Variants in RRP1B observed in about 807,000 individuals in gnomAD.
RRP1B encodes the protein ribosomal RNA processing protein 1 homolog B.
RRP1B carries 56 observed loss-of-function variants against 80.2 expected under a neutral mutation model. That is an observed-to-expected ratio of 0.70 (90% CI 0.56 to 0.87). The LOEUF is 0.87. Ranked by LOEUF, RRP1B falls within the 40% of genes least tolerant of loss-of-function variation. The pLI is 0.00. For synonymous variants in RRP1B, 351 were observed against 357.6 expected (o/e 0.98, Z 0.21); for missense variants, 807 against 939.8 (o/e 0.86, Z 1.85).
intron 9 of RRP1B, among the ~76,000 whole-genome samples, chr21:43,683,908 G>A (rs933676553): frequency 6.7e-6 from 1 of 150,158 alleles, no homozygotes; most frequent in South Asian, 2.1e-4. Context: ...GAACCCGGGA[G>A]GTGGAGGTTG....
intron 1 of RRP1B, among the ~76,000 whole-genome samples, chr21:43,660,022 G>C (rs1175240491): frequency 6.6e-6 from 1 of 152,202 alleles, no homozygotes; most frequent in Non-Finnish European, 1.5e-5. Flanking sequence ...CACAGTAAGC[G>C]GGGAAGCTGA....
intron 13 of RRP1B, 59 bp downstream of exon 13, chr21:43,688,299 G>A (rs372653880): frequency 8.9e-6 from 13 of 1,468,368 alleles, no homozygotes; most frequent in African/African-American, 1.4e-5. Context: ...GCGTCCATGG[G>A]GCTCCACTGC....
chr21:43,664,001 T>G (rs538154306), intron 1 of RRP1B, among the ~76,000 whole-genome samples: 44 of 152,394 alleles, frequency 2.9e-4, no homozygotes, highest in African/African-American at 1.0e-3. Flanking sequence ...TAATGTACTT[T>G]GCCTTTCAGA....
At chr21:43,668,099 C>T (rs575502261) in intron 1 of RRP1B, among the ~76,000 whole-genome samples, 120 of 151,908 alleles carry the variant, frequency 7.9e-4, no homozygotes, top group Middle Eastern at 3.4e-3. Flanking sequence ...ATCCCAGCTA[C>T]TCTTGAGGCT....
rs997180951 is a variant in RRP1B, at chr21:43,693,370, T to C, written c.2264T>C (p.Met755Thr). Residue 755 changes from methionine to threonine, a missense_variant, in exon 16 of 16, where the codon ATG becomes ACG. Transcript: ENST00000340648. This position sits in a 1 kb window ranked among gnomAD's most constrained non-coding sequence, Gnocchi z 4.1. ...TTTPRRRPRA[M>T]DFF ...ACACCAAGGAGAAGGCCCAGGGCTA[T>C]GGATTTCTTCTGAGGAGCAGCAGAG... 18 of 1,581,346 alleles carry C rather than the reference T, an allele frequency of 1.1e-5. No homozygotes were observed. The highest frequency in any genetic ancestry group is 1.5e-5 in the Non-Finnish European group (17 of 1,164,678).
Position 43,688,207 on chromosome 21 carries a change from G to A in RRP1B, c.1833G>A (p.Val611=). Residue 611 remains valine (V), a synonymous_variant, in exon 13 of 16, where the codon GTG becomes GTA. Transcript: ENST00000340648. ...CAAACTTGGTGGAGCACAACGGGGT[G>A]CTGGAGTCCGAAGCTGGGCAACCCC... The part of the protein sequence containing the change: ...VMSNLVEHNG[V]LESEAGQPQA... 5 of 1,570,640 alleles carry A rather than the reference G, an allele frequency of 3.2e-6. No individual in the cohort carries two copies. Among genetic ancestry groups the A allele is most frequent in the East Asian group, 4.6e-5 (2 of 43,084 alleles).
At chr21:43,672,715 A>G (rs910112025) in intron 3 of RRP1B, among the ~76,000 whole-genome samples, 10 of 152,230 alleles carry the variant, frequency 6.6e-5, no homozygotes, top group African/African-American at 2.4e-4. Flanking sequence ...TAATAAATAC[A>G]TAGAAGACAC....
Position 43,659,849 on chromosome 21 carries a change from G to A in RRP1B, c.130+55G>A. On this transcript the variant is annotated intron_variant, in intron 1 of 15. Transcript: ENST00000340648. The surrounding 1 kb of genome is among the most constrained non-coding windows in gnomAD (Gnocchi z 4.2). Reference sequence around the variant, plus strand: ...ACATGGCGGGCCGGGGGCCGGGGCTGGGGCTAGGGCCAGGGCCCCGGCACG... The same window carrying A: ...ACATGGCGGGCCGGGGGCCGGGGCTAGGGCTAGGGCCAGGGCCCCGGCACG... 1 of 1,456,832 alleles carries A rather than the reference G, an allele frequency of 6.9e-7. No individual in the cohort carries two copies. The highest frequency in any genetic ancestry group is 1.4e-5 in the South Asian group (1 of 73,586). 90.2% of individuals were successfully genotyped at this position (1,456,832 alleles called of 1,614,324 possible). A position where few individuals can be genotyped will look rare whatever the true frequency, so the allele number is the denominator to read the frequency against.
intron 1 of RRP1B, among the ~76,000 whole-genome samples, chr21:43,669,453 C>G (rs1450302415): frequency 6.6e-6 from 1 of 152,172 alleles, no homozygotes; most frequent in Non-Finnish European, 1.5e-5. Flanking sequence ...GTGGGGCTGC[C>G]CGTTGCTGGG....
chr21:43,691,402 C>G lies in RRP1B; in HGVS notation c.2020-37C>G, dbSNP rs376217404. ...TGACTAAGCGCCTCCACTGCACTTG[C>G]GTCACTCCTTTTGTTCCTGTTATTT... On this transcript the variant is annotated intron_variant, in intron 14 of 15. Coordinates refer to ENST00000340648, the MANE Select transcript of RRP1B (RefSeq NM_015056.3). This position sits in a 1 kb window ranked among gnomAD's most constrained non-coding sequence, Gnocchi z 4.2. The G allele has an allele frequency of 2.5e-6, 4 of 1,604,790 alleles. No individual in the cohort carries two copies. The highest frequency in any genetic ancestry group is 1.7e-5 in the Admixed American group (1 of 59,902).
chr21:43,665,412 G>A (rs2082974520), intron 1 of RRP1B, among the ~76,000 whole-genome samples: 1 of 152,226 alleles, frequency 6.6e-6, no homozygotes, highest in Non-Finnish European at 1.5e-5. Flanking sequence ...AGGAGGCAGG[G>A]AGCAAGACAA....
At position 43,659,741 on chromosome 21, in the gene RRP1B, G is replaced by C. The variant is rs1199473106; in HGVS notation, c.77G>C (p.Arg26Pro). 5.2e-6 allele frequency: 8 copies of C among 1,530,718 alleles called. No homozygotes were observed. The highest frequency in any genetic ancestry group is 1.4e-5 in the African/African-American group (1 of 70,982). 94.8% of individuals were successfully genotyped at this position (1,530,718 alleles called of 1,614,324 possible). ...LASSEKGIRD[R>P]AVKKLRQYIS... ...TCCAGCGAGAAGGGCATCCGGGACCGAGCGGTGAAGAAGCTGCGCCAGTAC... is the reference window on the plus strand; with the variant it reads ...TCCAGCGAGAAGGGCATCCGGGACCCAGCGGTGAAGAAGCTGCGCCAGTAC... Residue 26 changes from arginine to proline, a missense_variant, in exon 1 of 16, where the codon CGA becomes CCA. By Grantham distance (103) the Arg-to-Pro change is moderately radical. Coordinates refer to ENST00000340648, the MANE Select transcript of RRP1B (RefSeq NM_015056.3). The surrounding 1 kb of genome is among the most constrained non-coding windows in gnomAD (Gnocchi z 4.2).
chr21:43,687,977 A>G lies in RRP1B; in HGVS notation c.1603A>G (p.Ser535Gly). ...RKLGVVPVNG[S>G]GLSTPAWPPL... ...ACTTGGAGTTGTGCCCGTCAATGGC[A>G]GTGGCCTGTCCACGCCGGCCTGGCC... Residue 535 changes from serine (S) to glycine (G), a missense_variant, in exon 13 of 16, where the codon AGT becomes GGT. By Grantham distance (56) the Ser-to-Gly change is moderately conservative. Transcript: ENST00000340648. 6.2e-7 allele frequency: 1 copy of G among 1,613,176 alleles called. No homozygotes were observed. The highest frequency in any genetic ancestry group is 8.5e-7 in the Non-Finnish European group (1 of 1,180,018).
intron 7 of RRP1B, 38 bp from the exon 8 acceptor site, chr21:43,676,695 T>A: frequency 6.3e-7 from 1 of 1,586,558 alleles, no homozygotes; most frequent in Non-Finnish European, 8.6e-7. Flanking sequence ...AGGCCGTTTG[T>A]TCTCATCACA....
chr21:43,666,975 A>G (rs978679930), intron 1 of RRP1B, among the ~76,000 whole-genome samples: 1 of 151,836 alleles, frequency 6.6e-6, no homozygotes, highest in African/African-American at 2.4e-5. Flanking sequence ...CTCACTTACC[A>G]TGTTCCTCTG....
chr21:43,680,088 T>C (rs1327881511), intron 8 of RRP1B, among the ~76,000 whole-genome samples: 1 of 152,184 alleles, frequency 6.6e-6, no homozygotes, highest in Non-Finnish European at 1.5e-5. Context: ...AGGAGCTTTT[T>C]GGGTGAGTGT....
intron 6 of RRP1B, 152 bp downstream of exon 6, chr21:43,675,315 A>G: frequency 1.4e-6 from 1 of 713,484 alleles, no homozygotes; most frequent in Middle Eastern, 4.1e-4. Flanking sequence ...TGTCCTAAGC[A>G]GCTGGTGGGA....
intron 11 of RRP1B, 185 bp from the exon 12 acceptor site, chr21:43,686,619 T>G (rs950930489): frequency 1.6e-6 from 1 of 637,426 alleles, no homozygotes; most frequent in Non-Finnish European, 2.6e-6. Flanking sequence ...CTTGCCTTGG[T>G]TGAGAAATCC....
At chr21:43,686,728 G>A in intron 11 of RRP1B, 76 bp from the exon 12 acceptor site, 1 of 1,539,624 alleles carries the variant, frequency 6.5e-7, no homozygotes, top group Non-Finnish European at 8.9e-7. Context: ...AAATTGGGAG[G>A]GGTGCTGCTC....
Sources: allele counts gnomAD v4.1 joint callset (sites outside exome capture counted in the v4.1 genomes callset), GRCh38; gene constraint gnomAD v4.1.1; non-coding constraint Gnocchi (gnomAD v3.1); transcripts MANE v1.5; gene names NCBI Gene and HGNC (gene_info 2026-07-23, HGNC 2026-07-21).